Variants in ZFPM2 observed in about 807,000 individuals in gnomAD.
ZFPM2 encodes zinc finger protein, FOG family member 2, also known as zinc finger protein ZFPM2.
In ZFPM2, 20 loss-of-function variants were observed where a neutral mutation model predicts 98.6. The ratio of observed to expected loss-of-function variants is 0.20; its 90% confidence interval spans 0.14 to 0.29. The LOEUF (loss-of-function observed/expected upper bound fraction) is 0.29. ZFPM2 is among the 10% of genes least tolerant of loss of function. The pLI is 1.00. For synonymous variants in ZFPM2, 518 were observed against 502.7 expected (o/e 1.03, Z -0.41); for missense variants, 1,310 against 1,388.6 (o/e 0.94, Z 0.90).
chr8:105,663,413 A>G (rs1174374030), intron 5 of ZFPM2, among the ~76,000 whole-genome samples: 1 of 152,210 alleles, frequency 6.6e-6, no homozygotes, highest in Non-Finnish European at 1.5e-5. Context: ...CTTGTTACAC[A>G]TGTTCATTCA....
chr8:105,433,505 C>T (rs768364994), intron 2 of ZFPM2, among the ~76,000 whole-genome samples: 16 of 151,996 alleles, frequency 1.1e-4, no homozygotes, highest in South Asian at 2.1e-4. Flanking sequence ...ATAGAAATTG[C>T]GGCTGGGCAC....
intron 1 of ZFPM2, among the ~76,000 whole-genome samples, chr8:105,366,494 T>G (rs1810514209): frequency 2.1e-5 from 1 of 46,582 alleles, no homozygotes; most frequent in East Asian, 2.9e-3. Context: ...GAATTCTTTT[T>G]TTTAATTTTT....
At chr8:105,420,179 G>A (rs938803222) in intron 2 of ZFPM2, among the ~76,000 whole-genome samples, 3 of 152,094 alleles carry the variant, frequency 2.0e-5, no homozygotes, top group Non-Finnish European at 2.9e-5. Flanking sequence ...TTTTTATTCA[G>A]ACATGTTTGT....
intron 1 of ZFPM2, among the ~76,000 whole-genome samples, chr8:105,337,410 G>T (rs1300689517): frequency 6.6e-6 from 1 of 151,770 alleles, no homozygotes; most frequent in African/African-American, 2.4e-5. Flanking sequence ...CCCTCTTAAA[G>T]AAACATTTTC....
At chr8:105,751,114 T>C (rs1812465806) in intron 5 of ZFPM2, among the ~76,000 whole-genome samples, 1 of 152,036 alleles carries the variant, frequency 6.6e-6, no homozygotes, top group Non-Finnish European at 1.5e-5. Context: ...AAAAATATTT[T>C]TCTACTGCTA....
chr8:105,739,077 A>G (rs138379787), intron 5 of ZFPM2, among the ~76,000 whole-genome samples: 82 of 152,208 alleles, frequency 5.4e-4, no homozygotes, highest in African/African-American at 1.9e-3. Context: ...AAGTAAGCAA[A>G]AAGAAATAAA....
At chr8:105,800,932 T>A in intron 7 of ZFPM2, 115 bp from the exon 8 acceptor site, 1 of 985,352 alleles carries the variant, frequency 1.0e-6, no homozygotes, top group Non-Finnish European at 1.5e-6. Flanking sequence ...CGAATGAAAT[T>A]TTGAAAGATT....
chr8:105,722,792 G>A lies in ZFPM2; in HGVS notation c.533-65926G>A, dbSNP rs112634979. Among the ~76,000 whole-genome samples the A allele has an allele frequency of 3.6e-4, 54 of 151,796 alleles. No individual in the cohort carries two copies. In the East Asian group the frequency reaches 6.9e-3, roughly 19 times the overall value. ...GGAGGTGAAATGGGAGGCAGGAGAG[G>A]CAGGCACACTGGGTGTATCTTTATG... On this transcript the variant is annotated intron_variant, in intron 5 of 7. Transcript: ENST00000407775.
intron 2 of ZFPM2, among the ~76,000 whole-genome samples, chr8:105,441,503 C>CAAAAGAAAGAAAGAAAG (rs1334822737): frequency 9.4e-5 from 5 of 53,344 alleles, no homozygotes; most frequent in East Asian, 1.1e-3. Context: ...AGAAAGAAAT[C>CAAAAGAAAGAAAGAAAG]AAAGCCCAGG....
intron 5 of ZFPM2, among the ~76,000 whole-genome samples, chr8:105,665,929 A>G (rs1817479841): frequency 6.6e-6 from 1 of 152,256 alleles, no homozygotes; most frequent in Admixed American, 6.5e-5. Context: ...ACAAATTTGT[A>G]CATATACACA....
chr8:105,533,315 A>G lies in ZFPM2; in HGVS notation c.302-28048A>G, dbSNP rs577214643. 8.5e-5 allele frequency among the ~76,000 whole-genome samples: 13 copies of G among 152,226 alleles called. No individual in the cohort carries two copies. The East Asian group carries it at 2.5e-3, about 30-fold the overall frequency. ...TATAGATTTTGATGAAAGCTGTGAC[A>G]GTTTAGATAGGAGTCACTCTGGGTG... On this transcript the variant is annotated intron_variant, in intron 3 of 7. Transcript: ENST00000407775.
At chr8:105,615,886 G>A (rs1341558064) in intron 4 of ZFPM2, among the ~76,000 whole-genome samples, 3 of 152,056 alleles carry the variant, frequency 2.0e-5, no homozygotes, top group Non-Finnish European at 2.9e-5. Flanking sequence ...TATAACTAGC[G>A]TGAAATAGGA....
chr8:105,653,854 C>CTTTTTTTTTTTTT lies in ZFPM2; in HGVS notation c.532+19518_532+19530dup, dbSNP rs60218363. On this transcript the variant is annotated intron_variant, in intron 5 of 7. Coordinates refer to ENST00000407775, the MANE Select transcript of ZFPM2 (RefSeq NM_012082.4). Reference sequence around the variant, plus strand: ...CTTTATACAACAGCTTGTGTGCTATCTTTTTTTTTTTTTTTTTTTTTTTTT... The same window carrying CTTTTTTTTTTTTT: ...CTTTATACAACAGCTTGTGTGCTATCTTTTTTTTTTTTTTTTTTTTTTTTTTTTTTTTTTTTTT... 2.7e-3 allele frequency among the ~76,000 whole-genome samples: 96 copies of CTTTTTTTTTTTTT among 35,286 alleles called. 26 individuals are homozygous for CTTTTTTTTTTTTT. Among genetic ancestry groups the CTTTTTTTTTTTTT allele is most frequent in the Non-Finnish European group, 3.7e-3 (75 of 20,362 alleles). 23.1% of individuals were successfully genotyped at this position (35,286 alleles called of 152,430 possible).
At chr8:105,597,636 A>G (rs1348548162) in intron 4 of ZFPM2, among the ~76,000 whole-genome samples, 1 of 152,120 alleles carries the variant, frequency 6.6e-6, no homozygotes, top group African/African-American at 2.4e-5. Flanking sequence ...TTTAATGCAG[A>G]TAAATATTAT....
intron 4 of ZFPM2, among the ~76,000 whole-genome samples, chr8:105,602,147 C>G (rs2130784953): frequency 6.6e-6 from 1 of 152,188 alleles, no homozygotes. Context: ...AAGGAAAAGA[C>G]TTACTGTCCC....
intron 3 of ZFPM2, among the ~76,000 whole-genome samples, chr8:105,551,191 T>G (rs750396783): frequency 2.2e-4 from 33 of 152,234 alleles, no homozygotes; most frequent in Non-Finnish European, 2.5e-4. Context: ...GATGCCACAC[T>G]GTAAGAGAAT....
At chr8:105,351,389 G>A (rs76032095) in intron 1 of ZFPM2, among the ~76,000 whole-genome samples, 1 of 144,898 alleles carries the variant, frequency 6.9e-6, no homozygotes. Flanking sequence ...GTGTTTGTGT[G>A]TGTGTGTGTA....
chr8:105,361,670 C>A (rs1030520142), intron 1 of ZFPM2, among the ~76,000 whole-genome samples: 2 of 151,808 alleles, frequency 1.3e-5, no homozygotes, highest in African/African-American at 4.8e-5. Flanking sequence ...TATGTAAATT[C>A]TTTTTAAAAA....
chr8:105,730,958 A>G lies in ZFPM2; in HGVS notation c.533-57760A>G, dbSNP rs115453200. 2.1e-3 allele frequency among the ~76,000 whole-genome samples: 316 copies of G among 151,748 alleles called. 2 individuals are homozygous for G. The highest frequency in any genetic ancestry group is 7.3e-3 in the African/African-American group (303 of 41,466). ...CTGGAGGGTTAAGGACTCACAGTCA[A>G]AGCTTGAACTGCTATTACTGGATCA... On this transcript the variant is annotated intron_variant, in intron 5 of 7. Coordinates refer to ENST00000407775, the MANE Select transcript of ZFPM2 (RefSeq NM_012082.4).
Sources: gnomAD v4.1 joint callset for allele counts (sites outside exome capture counted in the v4.1 genomes callset) on GRCh38, gnomAD v4.1.1 for gene constraint, MANE v1.5 for transcripts, NCBI Gene and HGNC (gene_info 2026-07-23, HGNC 2026-07-21) for gene names.